Variants in SOX5 observed in about 807,000 individuals in gnomAD.
The protein encoded by SOX5 is SRY-box transcription factor 5, also known as transcription factor SOX-5.
SOX5 carries 9 observed loss-of-function variants against 92.0 expected under a neutral mutation model. The observed-to-expected ratio is 0.10, with a 90% CI of 0.06 to 0.17. The LOEUF is 0.17. Ranked by LOEUF, SOX5 falls within the 10% of genes least tolerant of loss-of-function variation. The pLI is 1.00. For synonymous variants in SOX5, 344 were observed against 336.3 expected (o/e 1.02, Z -0.25); for missense variants, 642 against 944.5 (o/e 0.68, Z 4.20).
chr12:24,032,491 T>C (rs1242869476), intron 4 of SOX5, among the ~76,000 whole-genome samples: 2 of 151,914 alleles, frequency 1.3e-5, no homozygotes, highest in South Asian at 2.1e-4. Context: ...TCATCAAATA[T>C]ATTTCACTTG....
At chr12:23,923,297 G>A (rs1478728624) in intron 1 of SOX5, among the ~76,000 whole-genome samples, 3 of 129,376 alleles carry the variant, frequency 2.3e-5, no homozygotes, top group African/African-American at 1.0e-4. Context: ...AAAAATAAAT[G>A]AATGAATGAA....
intron 9 of SOX5, among the ~76,000 whole-genome samples, chr12:23,585,601 G>A (rs1950615266): frequency 6.6e-6 from 1 of 152,116 alleles, no homozygotes; most frequent in South Asian, 2.1e-4. Context: ...CACTGTTCAG[G>A]TTAAGAGCAG....
chr12:23,670,832 T>A (rs1023417374), intron 6 of SOX5, among the ~76,000 whole-genome samples: 1 of 152,022 alleles, frequency 6.6e-6, no homozygotes, highest in African/African-American at 2.4e-5. Flanking sequence ...AAAAGAGTGA[T>A]AGAAGATGCC....
At chr12:24,159,102 T>A (rs1429074456) in intron 4 of SOX5, among the ~76,000 whole-genome samples, 1 of 151,900 alleles carries the variant, frequency 6.6e-6, no homozygotes, top group African/African-American at 2.4e-5. Flanking sequence ...GCATAGGAAT[T>A]TGGTAATCTA....
chr12:23,721,396 T>A (rs2092810039), intron 6 of SOX5, among the ~76,000 whole-genome samples: 1 of 152,148 alleles, frequency 6.6e-6, no homozygotes, highest in Non-Finnish European at 1.5e-5. Flanking sequence ...ATATTAATTA[T>A]TTTATTGATC....
intron 1 of SOX5, among the ~76,000 whole-genome samples, chr12:24,429,037 G>T (rs1182419057): frequency 1.3e-5 from 2 of 152,016 alleles, no homozygotes; most frequent in Non-Finnish European, 2.9e-5. Flanking sequence ...GAATAGTATG[G>T]CCGGGCGCGG....
chr12:23,807,728 C>A (rs2095805135), intron 3 of SOX5, among the ~76,000 whole-genome samples: 1 of 151,708 alleles, frequency 6.6e-6, no homozygotes, highest in Admixed American at 6.6e-5. Context: ...GCAGCCTCCG[C>A]CTCCTGGGTT....
chr12:24,245,240 T>TGC (rs1157812390), intron 3 of SOX5, among the ~76,000 whole-genome samples: 1 of 75,264 alleles, frequency 1.3e-5, no homozygotes, highest in African/African-American at 3.8e-5. Flanking sequence ...GAGATTTGTG[T>TGC]GTGTGTGTGT....
chr12:23,879,775 G>A (rs1183807629), intron 2 of SOX5, among the ~76,000 whole-genome samples: 1 of 152,144 alleles, frequency 6.6e-6, no homozygotes, highest in Non-Finnish European at 1.5e-5. Context: ...TATTTCTAGA[G>A]TCTGGACCTT....
At chr12:23,788,465 AT>A (rs952260863) in intron 3 of SOX5, among the ~76,000 whole-genome samples, 25 of 150,858 alleles carry the variant, frequency 1.7e-4, no homozygotes, top group Middle Eastern at 3.4e-3. Flanking sequence ...TTGTAATAGC[AT>A]TTTTTTTTAA....
At chr12:24,280,186 G>T (rs1196839368) in intron 2 of SOX5, among the ~76,000 whole-genome samples, 1 of 152,162 alleles carries the variant, frequency 6.6e-6, no homozygotes, top group Non-Finnish European at 1.5e-5. Context: ...ATTTCTGCCA[G>T]TAAAAGGTTA....
In SOX5 at chr12:23,757,628, T is replaced by TA. The variant is rs532980228; in HGVS notation, c.482-1905dup. ...TAGCATGTAAACAGGGCACAGCCAA[T>TA]ACGGTATTTGCAATAGAGTACTGTC... On this transcript the variant is annotated intron_variant, in intron 3 of 14. Transcript: ENST00000451604. 4.6e-5 allele frequency among the ~76,000 whole-genome samples: 7 copies of TA among 151,940 alleles called. No homozygotes were observed. In the East Asian group the frequency reaches 1.2e-3, roughly 25 times the overall value.
intron 2 of SOX5, among the ~76,000 whole-genome samples, chr12:24,301,835 C>A (rs1039057453): frequency 2.6e-5 from 4 of 152,100 alleles, no homozygotes; most frequent in African/African-American, 4.8e-5. Flanking sequence ...TGACTATGAT[C>A]CAAGCTGATT....
At chr12:24,146,343 C>G (rs1692077063) in intron 4 of SOX5, among the ~76,000 whole-genome samples, 1 of 151,990 alleles carries the variant, frequency 6.6e-6, no homozygotes, top group African/African-American at 2.4e-5. Context: ...CAGGAACATC[C>G]TCAAATATTT....
At chr12:23,946,382 T>TG (rs1944591512) in intron 1 of SOX5, among the ~76,000 whole-genome samples, 1 of 152,056 alleles carries the variant, frequency 6.6e-6, no homozygotes, top group Non-Finnish European at 1.5e-5. Flanking sequence ...ACGGGAAGCT[T>TG]AGACACAAAA....
intron 11 of SOX5, among the ~76,000 whole-genome samples, chr12:23,559,977 C>T (rs1945906535): frequency 6.6e-6 from 1 of 152,072 alleles, no homozygotes; most frequent in South Asian, 2.1e-4. Flanking sequence ...ATGGCGTGAT[C>T]TCGGCTCACT....
chr12:24,378,572 T>C (rs1214292555), intron 1 of SOX5, among the ~76,000 whole-genome samples: 2 of 152,202 alleles, frequency 1.3e-5, no homozygotes, highest in African/African-American at 4.8e-5. Context: ...CATATTTACA[T>C]ATTTTTAATA....
At chr12:23,700,599 A>G (rs918249076) in intron 6 of SOX5, among the ~76,000 whole-genome samples, 15 of 151,842 alleles carry the variant, frequency 9.9e-5, no homozygotes, top group African/African-American at 3.6e-4. Flanking sequence ...ACTCTCAAAA[A>G]CTCTTTCCCT....
At chr12:23,875,394 A>T (rs1157757017) in intron 2 of SOX5, among the ~76,000 whole-genome samples, 1 of 152,222 alleles carries the variant, frequency 6.6e-6, no homozygotes, top group Non-Finnish European at 1.5e-5. Context: ...GATCATTTTA[A>T]GTTCCATAAT....
Sources: gnomAD v4.1 joint callset for allele counts (sites outside exome capture counted in the v4.1 genomes callset) on GRCh38, gnomAD v4.1.1 for gene constraint, MANE v1.5 for transcripts, NCBI Gene and HGNC (gene_info 2026-07-23, HGNC 2026-07-21) for gene names.